The following DMD variants were observed in gnomAD, a reference collection of about 807,000 sequenced individuals.
DMD encodes the protein mutant dystrophin.
A neutral mutation model predicts 330.1 loss-of-function variants in DMD; 63 were observed. That is an observed-to-expected ratio of 0.19 (90% CI 0.16 to 0.24). The LOEUF is 0.24. Ranked by LOEUF, DMD falls within the 10% of genes least tolerant of loss-of-function variation. The probability of loss-of-function intolerance (pLI) is 1.00; values close to 1 mark genes in which losing one functional copy is unlikely to be tolerated. For missense variants in DMD, 3,344 were observed against 2,684.1 expected, an observed-to-expected ratio of 1.25 and a Z score of -5.43; for synonymous variants, 1,223 against 959.8, an observed-to-expected ratio of 1.27 and a Z score of -5.07.
chrX:31,720,612 CA>C (rs1243667791), intron 52 of DMD, among the ~76,000 whole-genome samples: 1 of 110,277 alleles, frequency 9.1e-6, no homozygotes, highest in Non-Finnish European at 1.9e-5. Flanking sequence ...ATCTTTATCA[CA>C]AAAAAGGAAG....
chrX:32,073,931 A>T (rs1247095084), intron 44 of DMD, among the ~76,000 whole-genome samples: 1 of 111,598 alleles, frequency 9.0e-6, no homozygotes, highest in Non-Finnish European at 1.9e-5. Context: ...TTAAAGTATT[A>T]ATTAGTAAAA....
intron 44 of DMD, among the ~76,000 whole-genome samples, chrX:32,129,802 T>C (rs919957145): frequency 2.1e-4 from 23 of 108,997 alleles, no homozygotes; most frequent in Non-Finnish European, 7.6e-5. Flanking sequence ...ATTTTTTCCT[T>C]GGCTTCTGAT....
At position 32,880,250 on chromosome X, in the gene DMD, T is replaced by TA. The variant is rs1453221076; in HGVS notation, c.94-30431dup. 1.0e-3 allele frequency among the ~76,000 whole-genome samples: 109 copies of TA among 105,234 alleles called. No individual in the cohort carries two copies. The East Asian group carries it at 0.015, about 15-fold the overall frequency. 91.4% of individuals were successfully genotyped at this position (105,234 alleles called of 115,157 possible). A position where few individuals can be genotyped will look rare whatever the true frequency, so the allele number is the denominator to read the frequency against. Reference sequence around the variant, plus strand: ...ACTCCTCAGCATTTTTTTTTTTTTTTAATCAGCCAATAGGCTGAAAGCTCC... The same window carrying TA: ...ACTCCTCAGCATTTTTTTTTTTTTTTAAATCAGCCAATAGGCTGAAAGCTCC... On this transcript the variant is annotated intron_variant, in intron 2 of 78. Transcript: ENST00000357033.
intron 55 of DMD, among the ~76,000 whole-genome samples, chrX:31,591,191 C>A (rs1206238160): frequency 9.0e-6 from 1 of 111,683 alleles, no homozygotes; most frequent in African/African-American, 3.2e-5. Context: ...AATTTCACTT[C>A]TTTATTTTTA....
At chrX:32,252,799 T>A (rs1381684109) in intron 43 of DMD, among the ~76,000 whole-genome samples, 8 of 72,091 alleles carry the variant, frequency 1.1e-4, no homozygotes, top group Non-Finnish European at 4.6e-5. Flanking sequence ...TATAAATATA[T>A]ATATAAATAT....
intron 55 of DMD, among the ~76,000 whole-genome samples, chrX:31,617,026 T>G (rs1323839372): frequency 8.9e-6 from 1 of 111,903 alleles, no homozygotes; most frequent in Non-Finnish European, 1.9e-5. Context: ...TGAATTTATG[T>G]CATTTGTGAG....
In DMD at chrX:32,627,312, A is replaced by C. The variant is rs751965191; in HGVS notation, c.1332-12859T>G. ...TGGAGACAAAGGATCAGGATGCACA[A>C]ACATGCGTTTACTTATTTATAAATG... is the stretch of plus-strand genomic sequence containing the variant. On this transcript the variant is annotated intron_variant, in intron 11 of 78. Coordinates refer to ENST00000357033, the MANE Select transcript of DMD (RefSeq NM_004006.3). Among the ~76,000 whole-genome samples, 9 of 103,765 alleles carry C rather than the reference A, an allele frequency of 8.7e-5. No homozygotes were observed. The East Asian group carries it at 1.4e-3, about 17-fold the overall frequency. 90.1% of individuals were successfully genotyped at this position (103,765 alleles called of 115,157 possible).
intron 44 of DMD, among the ~76,000 whole-genome samples, chrX:32,182,548 T>C (rs2096930796): frequency 9.0e-6 from 1 of 111,478 alleles, no homozygotes; most frequent in Admixed American, 9.6e-5. Context: ...TGGAATAATG[T>C]ATAGGCATAT....
chrX:32,204,736 G>A (rs1490642692), intron 44 of DMD, among the ~76,000 whole-genome samples: 1 of 110,204 alleles, frequency 9.1e-6, no homozygotes, highest in African/African-American at 3.3e-5. Context: ...TACTTCTGGT[G>A]AGAGCCTCAG....
rs138750525 is a variant in DMD, at chrX:32,515,593, G to A, written c.2292+2415C>T. Among the ~76,000 whole-genome samples, 856 of 111,331 alleles carry A rather than the reference G, an allele frequency of 7.7e-3. 3 individuals carry two copies. Among genetic ancestry groups the A allele is most frequent in the Middle Eastern group, 0.019 (4 of 216 alleles). On this transcript the variant is annotated intron_variant, in intron 18 of 78. Transcript: ENST00000357033. The stretch of plus-strand genomic sequence containing the variant: ...CCAATTTGCGTTACCATGTGCTCAC[G>A]GAAAAAATTCGAGTTGTTAGAATCT...
At chrX:32,810,985 C>A (rs2077329510) in intron 6 of DMD, among the ~76,000 whole-genome samples, 1 of 110,073 alleles carries the variant, frequency 9.1e-6, no homozygotes, top group Non-Finnish European at 1.9e-5. Context: ...TCCATTGGGT[C>A]TTTACTCGAA....
chrX:31,604,110 C>T (rs1166991372), intron 55 of DMD, among the ~76,000 whole-genome samples: 1 of 111,821 alleles, frequency 8.9e-6, no homozygotes, highest in African/African-American at 3.3e-5. Flanking sequence ...TTTCATGTGC[C>T]TCTTTATATG....
intron 43 of DMD, among the ~76,000 whole-genome samples, chrX:32,268,563 C>T (rs140739133): frequency 1.8e-3 from 200 of 111,375 alleles, no homozygotes; most frequent in African/African-American, 6.4e-3. Context: ...CTCACAACTC[C>T]AACATCCTAC....
intron 9 of DMD, among the ~76,000 whole-genome samples, chrX:32,679,087 A>G (rs992937234): frequency 8.9e-6 from 1 of 112,014 alleles, no homozygotes; most frequent in African/African-American, 3.2e-5. Context: ...TCTTACAAAA[A>G]TATAGGACAG....
At chrX:31,946,677 G>A (rs768400940) in intron 45 of DMD, among the ~76,000 whole-genome samples, 1 of 111,454 alleles carries the variant, frequency 9.0e-6, no homozygotes, top group Non-Finnish European at 1.9e-5. Context: ...GTACAATAGA[G>A]TCAAGGCAGT....
chrX:32,737,603 G>T (rs939503064), intron 7 of DMD, among the ~76,000 whole-genome samples: 1 of 111,631 alleles, frequency 9.0e-6, no homozygotes, highest in African/African-American at 3.3e-5. Flanking sequence ...TGGAAACTTG[G>T]AAATTAAAAA....
intron 45 of DMD, among the ~76,000 whole-genome samples, chrX:31,940,275 G>A (rs888458855): frequency 2.7e-5 from 3 of 111,478 alleles, no homozygotes; most frequent in Non-Finnish European, 5.7e-5. Flanking sequence ...CAAAGTCCTC[G>A]TGGTAGGGAC....
chrX:32,475,117 T>C (rs2041092049), intron 21 of DMD, among the ~76,000 whole-genome samples: 1 of 111,406 alleles, frequency 9.0e-6, no homozygotes, highest in Admixed American at 9.6e-5. Flanking sequence ...AAGGGTGTCC[T>C]TTCTTTACTG....
intron 44 of DMD, among the ~76,000 whole-genome samples, chrX:32,109,806 G>A (rs1385323658): frequency 9.0e-6 from 1 of 111,465 alleles, no homozygotes; most frequent in Non-Finnish European, 1.9e-5. Flanking sequence ...ATTATATTTT[G>A]ATAGTCCTGC....
Sources: gnomAD v4.1 joint callset for allele counts (sites outside exome capture counted in the v4.1 genomes callset) on GRCh38, gnomAD v4.1.1 for gene constraint, MANE v1.5 for transcripts, NCBI Gene and HGNC (gene_info 2026-07-23, HGNC 2026-07-21) for gene names.